GSAP: variants seen among roughly 807,000 people sequenced by gnomAD.
GSAP encodes the protein gamma-secretase-activating protein.
In GSAP, 118 loss-of-function variants were observed where a neutral mutation model predicts 131.7. The observed-to-expected ratio is 0.90, with a 90% CI of 0.77 to 1.04. The LOEUF (loss-of-function observed/expected upper bound fraction) is 1.04. Ranked by LOEUF, GSAP falls within the 50% of genes least tolerant of loss-of-function variation. The pLI is 0.00. For synonymous variants in GSAP, 381 were observed against 363.4 expected, an observed-to-expected ratio of 1.05 and a Z score of -0.55; for missense variants, 1,019 against 1,013.2, an observed-to-expected ratio of 1.01 and a Z score of -0.08.
At chr7:77,338,638 C>T (rs575417290) in intron 19 of GSAP, among the ~76,000 whole-genome samples, 9 of 152,210 alleles carry the variant, frequency 5.9e-5, no homozygotes, top group South Asian at 2.1e-4. Context: ...CCTCATGTGG[C>T]GGGAGGGCAA....
intron 1 of GSAP, among the ~76,000 whole-genome samples, chr7:77,408,456 T>G (rs1482457272): frequency 6.6e-6 from 1 of 152,086 alleles, no homozygotes; most frequent in Non-Finnish European, 1.5e-5. Flanking sequence ...CCCAGCACTT[T>G]GGAAGGCTGA....
chr7:77,336,034 G>A (rs999974458), intron 19 of GSAP, among the ~76,000 whole-genome samples: 13 of 152,230 alleles, frequency 8.5e-5, no homozygotes, highest in African/African-American at 2.9e-4. Flanking sequence ...CAGAACTCCT[G>A]AGGCTGCCCA....
Position 77,349,357 on chromosome 7 carries a change from A to G in GSAP, c.1539T>C (p.Leu513=). 6.2e-7 allele frequency: 1 copy of G among 1,610,240 alleles called. No homozygotes were observed. The highest frequency in any genetic ancestry group is 1.3e-5 in the African/African-American group (1 of 74,952). ...TLVTEDIALP[L]MKVLSFKGYW... Reference sequence around the variant, plus strand: ...CTTGCTGTAAGGGACCTACCTTCATAAGAGGCAATGCAATGTCTTCTGTCA... The same window carrying G: ...CTTGCTGTAAGGGACCTACCTTCATGAGAGGCAATGCAATGTCTTCTGTCA... The change falls in exon 19 of 31, where the codon CTT becomes CTC. Residue 513 remains leucine, a synonymous_variant. Transcript: ENST00000257626.
In GSAP at chr7:77,314,365, C is replaced by T. The variant is rs1794743509; in HGVS notation, c.2209+5G>A. 1.2e-6 allele frequency: 2 copies of T among 1,613,532 alleles called. No individual in the cohort carries two copies. The highest frequency in any genetic ancestry group is 1.1e-5 in the South Asian group (1 of 91,056). ...TAGCACTCTGGCAAACTCAGGGCTT[C>T]TTACCTTTCATGAGCCTTATGACAG... On this transcript the variant is annotated splice_donor_5th_base_variant and intron_variant, in intron 27 of 30. Coordinates refer to ENST00000257626, the MANE Select transcript of GSAP (RefSeq NM_017439.4).
intron 5 of GSAP, among the ~76,000 whole-genome samples, chr7:77,390,897 C>T (rs1799363404): frequency 7.7e-6 from 1 of 130,434 alleles, no homozygotes; most frequent in African/African-American, 2.9e-5. Context: ...TGCAGTGAGC[C>T]AAGGTTGCGC....
intron 5 of GSAP, among the ~76,000 whole-genome samples, chr7:77,396,341 T>TC (rs1800390272): frequency 6.6e-6 from 1 of 152,182 alleles, no homozygotes; most frequent in African/African-American, 2.4e-5. Context: ...CTCTGGCCAA[T>TC]GTATGCATTT....
intron 19 of GSAP, among the ~76,000 whole-genome samples, chr7:77,334,316 C>T (rs898968730): frequency 6.6e-6 from 1 of 151,642 alleles, no homozygotes; most frequent in South Asian, 2.1e-4. Flanking sequence ...AGCAAACTAA[C>T]AAAGGAAGAG....
chr7:77,381,417 C>G (rs1419684501), intron 7 of GSAP, 63 bp from the exon 8 acceptor site: 2 of 798,904 alleles, frequency 2.5e-6, no homozygotes, highest in Admixed American at 5.4e-5. Flanking sequence ...ACTATTTTTG[C>G]CTAACTCTTG....
intron 17 of GSAP, 72 bp downstream of exon 17, chr7:77,353,500 A>G: frequency 4.3e-6 from 4 of 928,918 alleles, no homozygotes; most frequent in Admixed American, 1.9e-5. Context: ...GGCATTCACT[A>G]TCAATTTACT....
intron 14 of GSAP, among the ~76,000 whole-genome samples, chr7:77,356,888 A>G (rs1388974292): frequency 1.3e-5 from 2 of 152,256 alleles, no homozygotes; most frequent in Non-Finnish European, 2.9e-5. Context: ...ATAGAACTCA[A>G]ACCAGTTGAC....
At chr7:77,365,698 A>G (rs1027994822) in intron 12 of GSAP, among the ~76,000 whole-genome samples, 2 of 152,108 alleles carry the variant, frequency 1.3e-5, no homozygotes. Flanking sequence ...TGACATTTGC[A>G]TACGTATATC....
At chr7:77,349,506 A>G in intron 18 of GSAP, 102 bp from the exon 19 acceptor site, 2 of 874,280 alleles carry the variant, frequency 2.3e-6, no homozygotes, top group South Asian at 1.4e-5. Context: ...AGCTGAGGGC[A>G]GCTTCCAGCT....
intron 19 of GSAP, among the ~76,000 whole-genome samples, chr7:77,347,712 A>G (rs1478625730): frequency 6.6e-6 from 1 of 152,204 alleles, no homozygotes; most frequent in African/African-American, 2.4e-5. Flanking sequence ...TAATATCTGT[A>G]GATCACAATT....
chr7:77,401,767 C>T (rs1468345429), intron 3 of GSAP, among the ~76,000 whole-genome samples: 1 of 152,070 alleles, frequency 6.6e-6, no homozygotes, highest in Admixed American at 6.6e-5. Context: ...GATGAGGATC[C>T]TAAAGAATGT....
intron 20 of GSAP, chr7:77,329,619 T>C: frequency 3.4e-6 from 1 of 298,374 alleles, no homozygotes. Flanking sequence ...ACAACAACAC[T>C]AATCTACATG....
In GSAP at chr7:77,350,193, T is replaced by A. The variant is rs1452828150; in HGVS notation, c.1492-789A>T. Among the ~76,000 whole-genome samples, 3 of 143,234 alleles carry A rather than the reference T, an allele frequency of 2.1e-5. No homozygotes were observed. In the Admixed American group the frequency reaches 2.2e-4, roughly 11 times the overall value. The allele number at this position is 143,234 out of a possible 152,430, so 94.0% of individuals were successfully genotyped here. Reference sequence around the variant, plus strand: ...CAAGGACAAAAAACCAAACACTGCATGTTCTCACTCATAGATGGGAACTGA... The same window carrying A: ...CAAGGACAAAAAACCAAACACTGCAAGTTCTCACTCATAGATGGGAACTGA... On this transcript the variant is annotated intron_variant, in intron 18 of 30. Transcript: ENST00000257626.
chr7:77,413,241 C>T (rs1423217788), intron 1 of GSAP, among the ~76,000 whole-genome samples: 1 of 152,174 alleles, frequency 6.6e-6, no homozygotes, highest in Non-Finnish European at 1.5e-5. Context: ...GACCTTGGGT[C>T]CCTCAAAGAG....
At chr7:77,382,854 T>C (rs191198917) in intron 6 of GSAP, among the ~76,000 whole-genome samples, 4 of 152,198 alleles carry the variant, frequency 2.6e-5, no homozygotes, top group African/African-American at 9.6e-5. Flanking sequence ...CAGAGGGGAA[T>C]TGATCTCAAA....
chr7:77,361,388 GA>G (rs1794501153), intron 13 of GSAP, among the ~76,000 whole-genome samples: 1 of 152,132 alleles, frequency 6.6e-6, no homozygotes, highest in Non-Finnish European at 1.5e-5. Context: ...TTAATCTTCA[GA>G]AAAGTTTTAT....
Sources: allele counts gnomAD v4.1 joint callset (sites outside exome capture counted in the v4.1 genomes callset), GRCh38; gene constraint gnomAD v4.1.1; transcripts MANE v1.5; gene names NCBI Gene and HGNC (gene_info 2026-07-23, HGNC 2026-07-21).